CDH4: variants seen among roughly 807,000 people sequenced by gnomAD.
CDH4 encodes cadherin 4, also known as cadherin-4.
A neutral mutation model predicts 86.0 loss-of-function variants in CDH4; 33 were observed. The observed-to-expected ratio is 0.38, with a 90% CI of 0.29 to 0.51. The LOEUF (loss-of-function observed/expected upper bound fraction) is 0.51. CDH4 is among the 20% of genes least tolerant of loss of function. CDH4 has a pLI of 0.86. For synonymous variants in CDH4, 555 were observed against 549.4 expected, an observed-to-expected ratio of 1.01 and a Z score of -0.14; for missense variants, 1,114 against 1,307.4, an observed-to-expected ratio of 0.85 and a Z score of 2.28.
chr20:61,878,600 A>G (rs1253330455), intron 7 of CDH4, among the ~76,000 whole-genome samples: 1 of 152,058 alleles, frequency 6.6e-6, no homozygotes, highest in Non-Finnish European at 1.5e-5. Flanking sequence ...CAGTGGGGAC[A>G]TTGAGGCGGG....
intron 2 of CDH4, among the ~76,000 whole-genome samples, chr20:61,714,749 T>G (rs2087934145): frequency 6.6e-6 from 1 of 152,200 alleles, no homozygotes; most frequent in Admixed American, 6.5e-5. Flanking sequence ...TCATTCTTTT[T>G]ATGGCTGAGT....
intron 2 of CDH4, among the ~76,000 whole-genome samples, chr20:61,492,588 C>T (rs1304136896): frequency 1.3e-5 from 2 of 152,074 alleles, no homozygotes; most frequent in African/African-American, 2.4e-5. Flanking sequence ...GTTTGTTTTC[C>T]TGATGAAGAC....
Position 61,753,921 on chromosome 20 carries a change from G to C in CDH4, c.396+10132G>C, listed in dbSNP as rs146975645. Among the ~76,000 whole-genome samples, 65 of 152,230 alleles carry C rather than the reference G, an allele frequency of 4.3e-4. No homozygotes were observed. In the East Asian group the frequency reaches 0.011, roughly 25 times the overall value. On this transcript the variant is annotated intron_variant, in intron 3 of 15. Transcript: ENST00000614565. The stretch of plus-strand genomic sequence containing the variant: ...AGAACATGACTTAACTTGGAAATAG[G>C]GGGTTTGCCGATGTAATTAGTGAAG...
chr20:61,813,115 G>A (rs1980523501), intron 4 of CDH4, among the ~76,000 whole-genome samples: 1 of 152,250 alleles, frequency 6.6e-6, no homozygotes, highest in Admixed American at 6.5e-5. Flanking sequence ...ATTACTGCCA[G>A]AGATTTCAAA....
intron 2 of CDH4, among the ~76,000 whole-genome samples, chr20:61,680,185 C>G (rs1235948392): frequency 6.6e-6 from 1 of 152,220 alleles, no homozygotes; most frequent in East Asian, 1.9e-4. Context: ...TCCACCATAG[C>G]CCAGTCACCA....
chr20:61,465,550 T>G (rs1012061962), intron 2 of CDH4, among the ~76,000 whole-genome samples: 1 of 152,220 alleles, frequency 6.6e-6, no homozygotes, highest in Non-Finnish European at 1.5e-5. Flanking sequence ...GTAAATTGTA[T>G]GGATGTATTG....
At chr20:61,635,620 C>T (rs113344083) in intron 2 of CDH4, among the ~76,000 whole-genome samples, 326 of 152,270 alleles carry the variant, frequency 2.1e-3, no homozygotes, top group African/African-American at 7.4e-3. Flanking sequence ...GCCCAGGGGC[C>T]GGGCAACAGA....
intron 2 of CDH4, among the ~76,000 whole-genome samples, chr20:61,352,924 G>A (rs779245620): frequency 4.6e-5 from 7 of 152,128 alleles, no homozygotes; most frequent in African/African-American, 1.2e-4. Flanking sequence ...CGCACAGGAG[G>A]TTCCAGGACC....
At chr20:61,571,075 T>C (rs2086338374) in intron 2 of CDH4, among the ~76,000 whole-genome samples, 1 of 152,122 alleles carries the variant, frequency 6.6e-6, no homozygotes, top group Non-Finnish European at 1.5e-5. Flanking sequence ...TGCAAGGTGG[T>C]GGGGTCCAAC....
chr20:61,568,574 G>A (rs1242320421), intron 2 of CDH4, among the ~76,000 whole-genome samples: 1 of 152,222 alleles, frequency 6.6e-6, no homozygotes, highest in Non-Finnish European at 1.5e-5. Flanking sequence ...GATGTCTGGA[G>A]GATACTACAA....
intron 2 of CDH4, among the ~76,000 whole-genome samples, chr20:61,368,371 A>G (rs979581191): frequency 4.6e-5 from 7 of 152,172 alleles, no homozygotes; most frequent in Admixed American, 4.6e-4. Flanking sequence ...GAGGTTCCAG[A>G]GAGAACCTGC....
chr20:61,906,508 G>A (rs1246818760), intron 8 of CDH4, among the ~76,000 whole-genome samples: 1 of 152,250 alleles, frequency 6.6e-6, no homozygotes, highest in Non-Finnish European at 1.5e-5. Context: ...GGGCTGCCAA[G>A]TGGCTCCCGG....
At chr20:61,765,458 A>G (rs1234211074) in intron 3 of CDH4, among the ~76,000 whole-genome samples, 1 of 152,216 alleles carries the variant, frequency 6.6e-6, no homozygotes, top group Non-Finnish European at 1.5e-5. Flanking sequence ...CAGGAAAGGT[A>G]GCTGAAGCCA....
intron 2 of CDH4, among the ~76,000 whole-genome samples, chr20:61,691,353 T>C (rs902624754): frequency 1.3e-5 from 2 of 149,518 alleles, no homozygotes; most frequent in Non-Finnish European, 3.0e-5. Context: ...GTGTGTATTT[T>C]TGTGTGTGCA....
intron 2 of CDH4, among the ~76,000 whole-genome samples, chr20:61,279,196 GGT>G (rs1193230348): frequency 6.6e-6 from 1 of 152,180 alleles, no homozygotes; most frequent in Non-Finnish European, 1.5e-5. Flanking sequence ...CATTCTACGT[GGT>G]GGGCAGAGCC....
intron 2 of CDH4, among the ~76,000 whole-genome samples, chr20:61,704,874 A>G (rs1486301930): frequency 6.6e-6 from 1 of 152,184 alleles, no homozygotes; most frequent in Non-Finnish European, 1.5e-5. Context: ...ATGTCTCCAG[A>G]TACTGCCAAG....
At chr20:61,349,118 G>C (rs2084695651) in intron 2 of CDH4, among the ~76,000 whole-genome samples, 1 of 152,226 alleles carries the variant, frequency 6.6e-6, no homozygotes, top group Non-Finnish European at 1.5e-5. Context: ...CGTATGTCAT[G>C]GGACAGAGTT....
At chr20:61,930,981 C>T (rs1168088210) in intron 13 of CDH4, among the ~76,000 whole-genome samples, 1 of 152,234 alleles carries the variant, frequency 6.6e-6, no homozygotes, top group Non-Finnish European at 1.5e-5. Context: ...TCGAGGGCAG[C>T]CGCAGTGGAG....
At chr20:61,845,393 G>A (rs1175184209) in intron 5 of CDH4, among the ~76,000 whole-genome samples, 1 of 152,218 alleles carries the variant, frequency 6.6e-6, no homozygotes, top group Non-Finnish European at 1.5e-5. Flanking sequence ...AGAGAGACGT[G>A]GGGCTGCGGC....
Sources: gnomAD v4.1 joint callset for allele counts (sites outside exome capture counted in the v4.1 genomes callset) on GRCh38, gnomAD v4.1.1 for gene constraint, MANE v1.5 for transcripts, NCBI Gene and HGNC (gene_info 2026-07-23, HGNC 2026-07-21) for gene names.